Variants in IRAG1 observed in about 807,000 individuals in gnomAD.
IRAG1 encodes IP3R-associated cGMP kinase substrate.
Under a neutral mutation model 106.2 loss-of-function variants are expected in IRAG1, and 62 were observed. The observed-to-expected ratio is 0.58, with a 90% CI of 0.48 to 0.72. The LOEUF is 0.72. Among genes scored for constraint, IRAG1 ranks in the 30% least tolerant of loss-of-function variants. The pLI is 0.00. For missense variants in IRAG1, 1,064 were observed against 1,140.7 expected (o/e 0.93, Z 0.97); for synonymous variants, 462 against 443.9 (o/e 1.04, Z -0.51).
intron 10 of IRAG1, among the ~76,000 whole-genome samples, chr11:10,616,453 A>C: frequency 6.6e-6 from 1 of 152,146 alleles, no homozygotes; most frequent in East Asian, 1.9e-4. Context: ...CTCATTTTGT[A>C]CTTTTTGAAT....
At chr11:10,637,810 G>C (rs1401566365) in intron 2 of IRAG1, among the ~76,000 whole-genome samples, 1 of 152,126 alleles carries the variant, frequency 6.6e-6, no homozygotes, top group Non-Finnish European at 1.5e-5. Flanking sequence ...GTATTCACAA[G>C]GGCTGGGGAG....
chr11:10,586,415 CCTT>C (rs1436306540), intron 18 of IRAG1, among the ~76,000 whole-genome samples: 3 of 150,864 alleles, frequency 2.0e-5, no homozygotes, highest in African/African-American at 4.9e-5. Flanking sequence ...GTTGATCTCT[CCTT>C]TTTTTTTTTT....
rs1221320401 is a variant in IRAG1, at chr11:10,574,938, A to G, written c.*1394T>C. 6.6e-6 allele frequency: 1 copy of G among 151,874 alleles called. No homozygotes were observed. Among genetic ancestry groups the G allele is most frequent in the Admixed American group, 6.6e-5 (1 of 15,238 alleles). The allele number at this position is 151,874 out of a possible 1,614,324, so 9.4% of individuals were successfully genotyped here. A position where few individuals can be genotyped will look rare whatever the true frequency, so the allele number is the denominator to read the frequency against. On this transcript the variant is annotated 3_prime_UTR_variant, in exon 21 of 21. Transcript: ENST00000423302. ...TTTGAAAATGGGAAGGGTAATATCC[A>G]CTTCGTATTTTTTTTTCTTTTTCTT...
chr11:10,634,132 G>A (rs1193182847), intron 2 of IRAG1, 61 bp from the exon 3 acceptor site: 9 of 1,002,888 alleles, frequency 9.0e-6, no homozygotes, highest in Middle Eastern at 2.1e-4. Context: ...CCAGGGACAG[G>A]AGCCAGAGCA....
intron 2 of IRAG1, among the ~76,000 whole-genome samples, chr11:10,641,044 TTC>T (rs149513660): frequency 7.3e-5 from 11 of 150,636 alleles, no homozygotes; most frequent in Non-Finnish European, 1.0e-4. Flanking sequence ...CATAACTGTA[TTC>T]TCTCTCTCTC....
chr11:10,642,707 TGA>T (rs1857606092), intron 2 of IRAG1, among the ~76,000 whole-genome samples: 1 of 152,208 alleles, frequency 6.6e-6, no homozygotes, highest in Non-Finnish European at 1.5e-5. Flanking sequence ...AAGTATTAAA[TGA>T]GAGAAAGCAA....
intron 18 of IRAG1, among the ~76,000 whole-genome samples, chr11:10,587,556 A>G (rs930945826): frequency 6.6e-6 from 1 of 152,208 alleles, no homozygotes; most frequent in Non-Finnish European, 1.5e-5. Context: ...GAAATCTTTA[A>G]GGAATTTACC....
At chr11:10,673,818 T>A (rs1001853599) in intron 1 of IRAG1, among the ~76,000 whole-genome samples, 11 of 152,092 alleles carry the variant, frequency 7.2e-5, no homozygotes, top group African/African-American at 2.7e-4. Flanking sequence ...GTGCCTTCCA[T>A]CTCTGAAATT....
chr11:10,576,371 C>G lies in IRAG1; in HGVS notation c.2700G>C (p.Trp900Cys), dbSNP rs1311558888. 3 of 1,613,924 alleles carry G rather than the reference C, an allele frequency of 1.9e-6. No individual in the cohort carries two copies. In the South Asian group the frequency reaches 3.3e-5, roughly 18 times the overall value. ...GCTGCTCATGCTGGAGTCCTGAGCT[C>G]CACCAGGAGTCCCTCTGGGCTGCCG... Reference protein sequence around the residue: ...TCSAAQRDSWWSSGLQHEQPT... With the variant: ...TCSAAQRDSWCSSGLQHEQPT... Residue 900 changes from tryptophan (W) to cysteine (C), a missense_variant, in exon 21 of 21, where the codon TGG becomes TGC. Physicochemically the swap from Trp to Cys is radical, Grantham distance 215. Transcript: ENST00000423302.
At chr11:10,653,956 C>T (rs1239189149) in intron 1 of IRAG1, among the ~76,000 whole-genome samples, 2 of 152,152 alleles carry the variant, frequency 1.3e-5, no homozygotes, top group Non-Finnish European at 1.5e-5. Flanking sequence ...AGATTAAGAC[C>T]ACCATGCAGA....
chr11:10,637,186 C>T (rs1005942053), intron 2 of IRAG1, among the ~76,000 whole-genome samples: 4 of 152,210 alleles, frequency 2.6e-5, no homozygotes, highest in Non-Finnish European at 5.9e-5. Flanking sequence ...ATTAGAACAT[C>T]TATCATCCCC....
intron 1 of IRAG1, among the ~76,000 whole-genome samples, chr11:10,669,704 C>T (rs555552188): frequency 3.9e-5 from 6 of 152,304 alleles, no homozygotes; most frequent in African/African-American, 1.4e-4. Flanking sequence ...GAGCAGCAGT[C>T]CACCCTCTCT....
chr11:10,632,164 T>G (rs1856745469), intron 3 of IRAG1, 103 bp from the exon 4 acceptor site: 1 of 822,318 alleles, frequency 1.2e-6, no homozygotes, highest in East Asian at 2.7e-5. Flanking sequence ...CTTTCTTTCT[T>G]TGTTTCCTTC....
At chr11:10,680,517 A>AAGGAAGAG (rs1861153994) in intron 1 of IRAG1, among the ~76,000 whole-genome samples, 1 of 131,406 alleles carries the variant, frequency 7.6e-6, no homozygotes, top group Non-Finnish European at 1.6e-5. Flanking sequence ...GGGAAAAAGA[A>AAGGAAGAG]AGGAAGAAAG....
chr11:10,633,530 G>T (rs1250069679), intron 3 of IRAG1, among the ~76,000 whole-genome samples: 1 of 152,148 alleles, frequency 6.6e-6, no homozygotes, highest in Non-Finnish European at 1.5e-5. Context: ...TTTGGCCAGG[G>T]GCAGGATTCT....
intron 15 of IRAG1, chr11:10,595,864 T>C (rs1035455609): frequency 6.6e-6 from 1 of 152,198 alleles, no homozygotes; most frequent in South Asian, 2.1e-4. Flanking sequence ...CACCCTCAAG[T>C]AGGCCTTGGT....
At chr11:10,592,259 C>T (rs1342558555) in intron 17 of IRAG1, among the ~76,000 whole-genome samples, 1 of 152,062 alleles carries the variant, frequency 6.6e-6, no homozygotes, top group Non-Finnish European at 1.5e-5. Flanking sequence ...TTTAAAAGTA[C>T]CCTGTGTGGT....
intron 10 of IRAG1, among the ~76,000 whole-genome samples, chr11:10,620,376 C>G (rs1453860511): frequency 6.6e-6 from 1 of 151,760 alleles, no homozygotes; most frequent in Non-Finnish European, 1.5e-5. Flanking sequence ...ACAGCCCCCC[C>G]CAAAAGAAAG....
At chr11:10,669,612 T>C (rs1413736393) in intron 1 of IRAG1, among the ~76,000 whole-genome samples, 2 of 152,166 alleles carry the variant, frequency 1.3e-5, no homozygotes, top group African/African-American at 4.8e-5. Context: ...CTGGATGAAG[T>C]GGAAACACTC....
Sources: gnomAD v4.1 joint callset for allele counts (sites outside exome capture counted in the v4.1 genomes callset) on GRCh38, gnomAD v4.1.1 for gene constraint, MANE v1.5 for transcripts, NCBI Gene and HGNC (gene_info 2026-07-23, HGNC 2026-07-21) for gene names.